Variants in PTH2R observed in about 807,000 individuals in gnomAD.
The protein encoded by PTH2R is parathyroid hormone 2 receptor, also known as PTH2 receptor.
Under a neutral mutation model 60.3 loss-of-function variants are expected in PTH2R, and 59 were observed. The observed-to-expected ratio is 0.98, with a 90% CI of 0.79 to 1.22. The LOEUF (loss-of-function observed/expected upper bound fraction) is 1.22. PTH2R is among the 50% of genes most tolerant of loss of function. The pLI is 0.00. For synonymous variants in PTH2R, 256 were observed against 243.8 expected (o/e 1.05, Z -0.47); for missense variants, 749 against 682.6 (o/e 1.10, Z -1.08).
intron 8 of PTH2R, among the ~76,000 whole-genome samples, chr2:208,458,606 C>T (rs1049602124): frequency 3.9e-5 from 6 of 152,086 alleles, no homozygotes; most frequent in African/African-American, 1.4e-4. Flanking sequence ...TCCTACCTTC[C>T]CCCCTCAAGT....
rs541669019 is a variant in PTH2R, at chr2:208,470,964, G to A, written c.982-10106G>A. Among the ~76,000 whole-genome samples, 13 of 152,302 alleles carry A rather than the reference G, an allele frequency of 8.5e-5. 1 individual carries two copies. In the East Asian group the frequency reaches 2.5e-3, roughly 29 times the overall value. On this transcript the variant is annotated intron_variant, in intron 9 of 12. Coordinates refer to ENST00000272847, the MANE Select transcript of PTH2R (RefSeq NM_005048.4). ...ACTTTTTGGGAACTGGAGCAAAGGTGACTCTTGTTATCTTTTATCAAAGAG... is the reference window on the plus strand; with the variant it reads ...ACTTTTTGGGAACTGGAGCAAAGGTAACTCTTGTTATCTTTTATCAAAGAG...
At chr2:208,462,473 C>T (rs1393026171) in intron 9 of PTH2R, among the ~76,000 whole-genome samples, 1 of 152,114 alleles carries the variant, frequency 6.6e-6, no homozygotes, top group Non-Finnish European at 1.5e-5. Context: ...TGATGTGTAA[C>T]ACCAGGTAGT....
intron 10 of PTH2R, among the ~76,000 whole-genome samples, chr2:208,482,278 G>A (rs954216060): frequency 9.9e-5 from 15 of 152,250 alleles, no homozygotes; most frequent in African/African-American, 2.9e-4. Context: ...GTTCCCAGGC[G>A]GATCGGCAGG....
At chr2:208,477,844 AT>A (rs540302662) in intron 9 of PTH2R, among the ~76,000 whole-genome samples, 4 of 150,742 alleles carry the variant, frequency 2.7e-5, no homozygotes, top group South Asian at 2.1e-4. Context: ...CCTTTTAATG[AT>A]TTTTTTCTTA....
chr2:208,400,665 CATGGATG>C (rs1233609506), intron 1 of PTH2R, among the ~76,000 whole-genome samples: 1 of 152,110 alleles, frequency 6.6e-6, no homozygotes. Context: ...TCATTTTAGA[CATGGATG>C]AATCAGACAA....
In PTH2R at chr2:208,492,251, GAC is replaced by G. The variant is rs1354016875; in HGVS notation, c.1258-1011_1258-1010del. Among the ~76,000 whole-genome samples the G allele has an allele frequency of 8.5e-5, 13 of 152,310 alleles. No homozygotes were observed. In the East Asian group the frequency reaches 2.5e-3, roughly 29 times the overall value. On this transcript the variant is annotated intron_variant, in intron 12 of 12. Coordinates refer to ENST00000272847, the MANE Select transcript of PTH2R (RefSeq NM_005048.4). ...GGCTGCCGATGCAGATTGATAGCATGACAGTTACATTTCAAATTGAGTACCTT... is the reference window on the plus strand; with the variant it reads ...GGCTGCCGATGCAGATTGATAGCATGAGTTACATTTCAAATTGAGTACCTT...
At chr2:208,466,069 G>A (rs1335443428) in intron 9 of PTH2R, among the ~76,000 whole-genome samples, 4 of 152,190 alleles carry the variant, frequency 2.6e-5, no homozygotes, top group East Asian at 1.9e-4. Context: ...CTGCCAATAC[G>A]TGATTTCTAT....
intron 1 of PTH2R, among the ~76,000 whole-genome samples, chr2:208,414,562 G>GC (rs990066242): frequency 6.8e-6 from 1 of 147,412 alleles, no homozygotes; most frequent in Non-Finnish European, 1.5e-5. Flanking sequence ...TTTTTTTTCA[G>GC]TTTTTTTTTT....
chr2:208,429,644 A>C (rs1406140930), intron 2 of PTH2R, among the ~76,000 whole-genome samples: 8 of 152,138 alleles, frequency 5.3e-5, no homozygotes, highest in Non-Finnish European at 1.0e-4. Context: ...CATAGCATTA[A>C]ATTTACCATT....
At chr2:208,410,949 G>A (rs1288924246) in intron 1 of PTH2R, among the ~76,000 whole-genome samples, 1 of 152,162 alleles carries the variant, frequency 6.6e-6, no homozygotes, top group African/African-American at 2.4e-5. Flanking sequence ...TACTGATGGA[G>A]TTAAGAATGA....
intron 1 of PTH2R, among the ~76,000 whole-genome samples, chr2:208,380,989 A>G (rs1700902932): frequency 6.6e-6 from 1 of 152,080 alleles, no homozygotes; most frequent in Admixed American, 6.6e-5. Flanking sequence ...TCCTAATGCA[A>G]ATTTTCTTAG....
intron 8 of PTH2R, among the ~76,000 whole-genome samples, chr2:208,458,418 T>C (rs1574891774): frequency 6.6e-6 from 1 of 152,096 alleles, no homozygotes; most frequent in African/African-American, 2.4e-5. Flanking sequence ...CTTATACAAA[T>C]AGAAAATGGA....
At chr2:208,428,012 G>A (rs191121150) in intron 1 of PTH2R, among the ~76,000 whole-genome samples, 189 bp from the exon 2 acceptor site, 3 of 151,552 alleles carry the variant, frequency 2.0e-5, no homozygotes, top group African/African-American at 7.3e-5. Context: ...AGGCTAATCA[G>A]GTAAAAGTAA....
intron 1 of PTH2R, among the ~76,000 whole-genome samples, chr2:208,409,143 A>G (rs1406854462): frequency 2.0e-5 from 3 of 152,212 alleles, no homozygotes; most frequent in African/African-American, 7.2e-5. Context: ...TGAATTGCAT[A>G]AAATGACAGT....
At chr2:208,450,901 T>A (rs1410493934) in intron 8 of PTH2R, 92 bp downstream of exon 8, 2 of 1,400,646 alleles carry the variant, frequency 1.4e-6, no homozygotes, top group African/African-American at 2.8e-5. Flanking sequence ...CTGTTCTTGA[T>A]GCCATTGCTT....
intron 1 of PTH2R, among the ~76,000 whole-genome samples, chr2:208,423,116 C>T (rs905081052): frequency 6.6e-6 from 1 of 151,258 alleles, no homozygotes; most frequent in Non-Finnish European, 1.5e-5. Context: ...TTATGATGTC[C>T]TTCTTTCTAC....
chr2:208,406,582 C>T (rs1313300989), upstream of PTH2R, among the ~76,000 whole-genome samples: 1 of 152,150 alleles, frequency 6.6e-6, no homozygotes, highest in African/African-American at 2.4e-5. Flanking sequence ...CCCTGGAACC[C>T]GGGACAGAGT....
intron 1 of PTH2R, among the ~76,000 whole-genome samples, chr2:208,408,388 C>T (rs1701462180): frequency 6.6e-6 from 1 of 152,186 alleles, no homozygotes; most frequent in Admixed American, 6.5e-5. Context: ...ATACTTCCTA[C>T]ATTTTTATCT....
intron 4 of PTH2R, among the ~76,000 whole-genome samples, chr2:208,440,344 AT>A (rs1396689398): frequency 6.6e-6 from 1 of 151,986 alleles, no homozygotes. Flanking sequence ...AATTTGTAAG[AT>A]TTTTTTTCTC....
Sources: gnomAD v4.1 joint callset for allele counts (sites outside exome capture counted in the v4.1 genomes callset) on GRCh38, gnomAD v4.1.1 for gene constraint, MANE v1.5 for transcripts, NCBI Gene and HGNC (gene_info 2026-07-23, HGNC 2026-07-21) for gene names.